Variants in SCOC observed in about 807,000 individuals in gnomAD.
SCOC encodes the protein short coiled-coil protein.
In SCOC, 7 loss-of-function variants were observed where a neutral mutation model predicts 9.9. That is an observed-to-expected ratio of 0.71 (90% confidence interval 0.40 to 1.33). SCOC has a LOEUF of 1.33. SCOC is among the 40% of genes most tolerant of loss of function. The pLI, the probability that SCOC is intolerant of heterozygous loss-of-function variation, is 0.01. For synonymous variants in SCOC, 19 were observed against 28.2 expected (o/e 0.67, Z 1.03); for missense variants, 66 against 89.7 (o/e 0.74, Z 1.07).
chr4:140,348,669 T>C (rs1368113270), intron 2 of SCOC, among the ~76,000 whole-genome samples: 1 of 152,210 alleles, frequency 6.6e-6, no homozygotes, highest in Non-Finnish European at 1.5e-5. Flanking sequence ...TATGATGCAA[T>C]GAATACGAGC....
At position 140,379,276 on chromosome 4, in the gene SCOC, C is replaced by G. The variant is rs1322157389; in HGVS notation, c.22+84C>G. ...TAAGCAATGGAAAGGGCAGAGAAAC[C>G]ATGTTTAGAAGACTTTGATCTTGGC... On this transcript the variant is annotated intron_variant, in intron 2 of 3. Coordinates refer to ENST00000608372, the MANE Select transcript of SCOC (RefSeq NM_001153484.2). 4 of 945,464 alleles carry G rather than the reference C, an allele frequency of 4.2e-6. No homozygotes were observed. In the African/African-American group the frequency reaches 4.9e-5, roughly 12 times the overall value. 58.6% of individuals were successfully genotyped at this position (945,464 alleles called of 1,614,324 possible).
chr4:140,311,077 T>A (rs1732142654), intron 1 of SCOC, among the ~76,000 whole-genome samples: 1 of 151,922 alleles, frequency 6.6e-6, no homozygotes, highest in Non-Finnish European at 1.5e-5. Flanking sequence ...ATAAAACAGG[T>A]TTTTAGCCAG....
At chr4:140,373,828 C>CG (rs562109012) in intron 1 of SCOC, 111 bp downstream of exon 1, 5 of 1,199,424 alleles carry the variant, frequency 4.2e-6, no homozygotes, top group Non-Finnish European at 5.9e-6. Context: ...CCCTGCGCAC[C>CG]GGGGGCCCGG....
chr4:140,281,013 T>C (rs887679891), intron 1 of SCOC, among the ~76,000 whole-genome samples: 1 of 152,178 alleles, frequency 6.6e-6, no homozygotes, highest in Non-Finnish European at 1.5e-5. Context: ...TTTTGACAAG[T>C]GGTCTTCTGA....
intron 2 of SCOC, among the ~76,000 whole-genome samples, chr4:140,363,560 G>C (rs1727664313): frequency 6.6e-6 from 1 of 152,162 alleles, no homozygotes; most frequent in Non-Finnish European, 1.5e-5. Context: ...TGCTTACAGA[G>C]CACACATGGC....
intron 1 of SCOC, among the ~76,000 whole-genome samples, chr4:140,337,901 CTAT>C (rs1027933812): frequency 2.0e-5 from 3 of 152,176 alleles, no homozygotes; most frequent in Non-Finnish European, 4.4e-5. Flanking sequence ...CCTTCTGAAA[CTAT>C]TCCAATCAAC....
At chr4:140,306,861 A>G (rs1411888815) in intron 1 of SCOC, among the ~76,000 whole-genome samples, 1 of 152,228 alleles carries the variant, frequency 6.6e-6, no homozygotes, top group East Asian at 1.9e-4. Context: ...GATTGTCTCC[A>G]GTAAATAGAT....
At chr4:140,271,675 A>G (rs1311252560) in intron 1 of SCOC, among the ~76,000 whole-genome samples, 5 of 152,198 alleles carry the variant, frequency 3.3e-5, no homozygotes. Flanking sequence ...AGATGTTTCC[A>G]TGTGGACTAA....
intron 1 of SCOC, among the ~76,000 whole-genome samples, chr4:140,260,056 T>A (rs892746055): frequency 6.6e-6 from 1 of 152,196 alleles, no homozygotes; most frequent in Admixed American, 6.5e-5. Flanking sequence ...CCCTGAGACA[T>A]TATTTTTATA....
intron 2 of SCOC, among the ~76,000 whole-genome samples, chr4:140,359,994 C>T (rs1033479636): frequency 6.6e-6 from 1 of 152,144 alleles, no homozygotes; most frequent in African/African-American, 2.4e-5. Context: ...TGTGGTGAGG[C>T]TTCAGGCAAG....
intron 1 of SCOC, among the ~76,000 whole-genome samples, chr4:140,296,622 A>G (rs548089450): frequency 6.6e-6 from 1 of 152,284 alleles, no homozygotes; most frequent in East Asian, 1.9e-4. Flanking sequence ...ACCGGGTGAC[A>G]TGGCGGGTGA....
At chr4:140,293,474 A>T (rs1731536420) in intron 1 of SCOC, 5 of 444,570 alleles carry the variant, frequency 1.1e-5, no homozygotes, top group Non-Finnish European at 2.3e-5. Context: ...TGAGATGGAA[A>T]TGCCGGTCTG....
chr4:140,379,531 A>G (rs1325002809), intron 2 of SCOC, 38 bp from the exon 3 acceptor site: 2 of 1,419,950 alleles, frequency 1.4e-6, no homozygotes, highest in Non-Finnish European at 2.0e-6. Flanking sequence ...AATGTACCTA[A>G]TGCTAATTAA....
intron 1 of SCOC, among the ~76,000 whole-genome samples, chr4:140,298,967 T>C (rs1731732762): frequency 6.6e-6 from 1 of 152,064 alleles, no homozygotes; most frequent in Admixed American, 6.5e-5. Context: ...AGGCACACAC[T>C]GAAATGCCTG....
At chr4:140,317,904 T>G (rs1010128059) in intron 1 of SCOC, among the ~76,000 whole-genome samples, 1 of 131,848 alleles carries the variant, frequency 7.6e-6, no homozygotes. Flanking sequence ...TGTGTCCATG[T>G]GATCTCATTG....
At position 140,366,793 on chromosome 4, in the gene SCOC, T is replaced by C. The variant is rs528064571; in HGVS notation, c.71-12328T>C. The stretch of plus-strand genomic sequence containing the variant: ...AATAACATCTACAGTTGCAACCAAT[T>C]TTCTGGCACGAGGTCCAGAGGGGAT... On this transcript the variant is annotated intron_variant, in intron 2 of 4. Coordinates refer to the SCOC transcript ENST00000338517. 5.1e-4 allele frequency: 644 copies of C among 1,265,674 alleles called. 2 individuals carry two copies. The highest frequency in any genetic ancestry group is 2.9e-4 in the Non-Finnish European group (252 of 863,666). The allele number at this position is 1,265,674 out of a possible 1,614,324, so 78.4% of individuals were successfully genotyped here.
At chr4:140,271,108 T>C (rs1026060902) in intron 1 of SCOC, among the ~76,000 whole-genome samples, 8 of 152,136 alleles carry the variant, frequency 5.3e-5, no homozygotes, top group African/African-American at 1.7e-4. Flanking sequence ...AATAATTGCA[T>C]GAAGCAATGA....
intron 1 of SCOC, among the ~76,000 whole-genome samples, chr4:140,267,248 T>C (rs6536830): frequency 0.2 from 31,159 of 152,068 alleles, 4,991 homozygotes; most frequent in African/African-American, 0.43. Context: ...GGTTGACTGA[T>C]GCTGGAGATT....
intron 1 of SCOC, among the ~76,000 whole-genome samples, chr4:140,323,598 A>G (rs1304001359): frequency 6.6e-6 from 1 of 152,200 alleles, no homozygotes; most frequent in Non-Finnish European, 1.5e-5. Context: ...AGAGAATAGT[A>G]CAGACAACAC....
Sources: allele counts gnomAD v4.1 joint callset (sites outside exome capture counted in the v4.1 genomes callset), GRCh38; gene constraint gnomAD v4.1.1; transcripts MANE v1.5; gene names NCBI Gene and HGNC (gene_info 2026-07-23, HGNC 2026-07-21).